Variants in PTPRN2 observed in about 807,000 individuals in gnomAD.
PTPRN2 encodes the protein receptor-type tyrosine-protein phosphatase N2.
PTPRN2 carries 74 observed loss-of-function variants against 118.8 expected under a neutral mutation model. The observed-to-expected ratio is 0.62, with a 90% CI of 0.52 to 0.76. The LOEUF is 0.76. PTPRN2 is among the 30% of genes least tolerant of loss of function. The pLI, the probability that PTPRN2 is intolerant of heterozygous loss-of-function variation, is 0.00. For synonymous variants in PTPRN2, 641 were observed against 608.0 expected (o/e 1.05, Z -0.80); for missense variants, 1,481 against 1,394.4 (o/e 1.06, Z -0.99).
At chr7:157,778,481 T>C (rs566053720) in intron 12 of PTPRN2, among the ~76,000 whole-genome samples, 20 of 150,984 alleles carry the variant, frequency 1.3e-4, no homozygotes, top group African/African-American at 2.4e-4. Flanking sequence ...TGGGTGCCCA[T>C]GTAAACATGT....
intron 3 of PTPRN2, among the ~76,000 whole-genome samples, chr7:158,209,366 C>T (rs1004742117): frequency 3.3e-5 from 5 of 151,998 alleles, no homozygotes; most frequent in African/African-American, 1.2e-4. Flanking sequence ...AAAGATAATC[C>T]GTGCAAATGG....
chr7:158,164,274 C>G (rs1822680969), intron 6 of PTPRN2, among the ~76,000 whole-genome samples: 1 of 150,842 alleles, frequency 6.6e-6, no homozygotes, highest in Non-Finnish European at 1.5e-5. Flanking sequence ...GCACGCAGAG[C>G]AAGAGCGCGT....
At chr7:158,396,115 G>A (rs1463398273) in intron 2 of PTPRN2, among the ~76,000 whole-genome samples, 1 of 152,194 alleles carries the variant, frequency 6.6e-6, no homozygotes, top group Non-Finnish European at 1.5e-5. Context: ...AGGCAGCGAA[G>A]GCCGGGACAC....
At chr7:158,541,941 A>T (rs1264907965) in intron 1 of PTPRN2, among the ~76,000 whole-genome samples, 1 of 152,260 alleles carries the variant, frequency 6.6e-6, no homozygotes, top group Non-Finnish European at 1.5e-5. Context: ...ACTTCAGAAA[A>T]CAGCAAGGCT....
chr7:158,473,389 C>T (rs889954062), intron 2 of PTPRN2, among the ~76,000 whole-genome samples: 7 of 152,212 alleles, frequency 4.6e-5, no homozygotes, highest in South Asian at 2.1e-4. Flanking sequence ...CGAGCTGTTT[C>T]GGGAGGCTAC....
chr7:158,257,432 G>A (rs185795950), intron 3 of PTPRN2, among the ~76,000 whole-genome samples: 220 of 152,278 alleles, frequency 1.4e-3, no homozygotes, highest in African/African-American at 4.6e-3. Flanking sequence ...CTGTACGTGC[G>A]CTAAACGTCT....
chr7:157,702,043 GGTCGGTGCTGGTGTAACT>G (rs1272559255), intron 12 of PTPRN2, among the ~76,000 whole-genome samples: 5 of 150,248 alleles, frequency 3.3e-5, no homozygotes, highest in Non-Finnish European at 7.4e-5. Context: ...AAGAAAGCCC[GGTCGGTGCTGGTGTAACT>G]GACGTGGGCT....
At chr7:157,982,413 C>G (rs1037414336) in intron 11 of PTPRN2, among the ~76,000 whole-genome samples, 1 of 144,782 alleles carries the variant, frequency 6.9e-6, no homozygotes, top group Non-Finnish European at 1.5e-5. Flanking sequence ...CCCCTAAACC[C>G]CAAGTCAAAG....
rs1314972120 is a variant in PTPRN2 at position 157,554,308 on chromosome 7, C to T, written c.2903-5289G>A. Among the ~76,000 whole-genome samples the T allele has an allele frequency of 1.9e-4, 15 of 77,748 alleles. 1 individual carries two copies. Among genetic ancestry groups the T allele is most frequent in the African/African-American group, 5.6e-4 (10 of 17,990 alleles). The allele number at this position is 77,748 out of a possible 152,430, so 51.0% of individuals were successfully genotyped here. ...GCATGGGTGCGGCCAGGCCGGGCGC[C>T]GGATCCTGCCCGCTCTCGTGCCCTC... On this transcript the variant is annotated intron_variant, in intron 21 of 22. Transcript: ENST00000389418.
At chr7:158,560,739 T>C (rs1395240362) in intron 1 of PTPRN2, among the ~76,000 whole-genome samples, 1 of 152,240 alleles carries the variant, frequency 6.6e-6, no homozygotes, top group Non-Finnish European at 1.5e-5. Flanking sequence ...ACCATGTGAA[T>C]GTTACTCCTT....
chr7:157,956,072 T>C (rs1184182274), intron 11 of PTPRN2, among the ~76,000 whole-genome samples: 3 of 152,178 alleles, frequency 2.0e-5, no homozygotes, highest in Non-Finnish European at 4.4e-5. Flanking sequence ...GTGTTTCTCT[T>C]GTGTTTGGAT....
intron 2 of PTPRN2, among the ~76,000 whole-genome samples, chr7:158,366,680 A>G (rs1049923992): frequency 8.6e-5 from 13 of 151,830 alleles, no homozygotes; most frequent in Non-Finnish European, 1.8e-4. Context: ...TTCTTCTGCC[A>G]CATTTGCTGG....
chr7:157,548,028 G>A (rs1157285132), intron 22 of PTPRN2, among the ~76,000 whole-genome samples: 2 of 152,208 alleles, frequency 1.3e-5, no homozygotes, highest in Non-Finnish European at 2.9e-5. Context: ...CTGCGCTGTG[G>A]TTATGTGAGG....
At chr7:157,558,849 G>C (rs747041138) in intron 21 of PTPRN2, among the ~76,000 whole-genome samples, 6 of 152,196 alleles carry the variant, frequency 3.9e-5, no homozygotes, top group Non-Finnish European at 8.8e-5. Context: ...AAAGTGCCTG[G>C]GCTGGGGACA....
At chr7:158,176,637 G>T (rs1053387024) in intron 5 of PTPRN2, among the ~76,000 whole-genome samples, 1 of 152,192 alleles carries the variant, frequency 6.6e-6, no homozygotes, top group Admixed American at 6.5e-5. Context: ...GACTGTCTGG[G>T]AGGAAACCAG....
intron 14 of PTPRN2, among the ~76,000 whole-genome samples, chr7:157,628,097 G>C (rs73515092): frequency 0.019 from 2,836 of 152,284 alleles, 90 homozygotes; most frequent in African/African-American, 0.065. Flanking sequence ...ACAAGACTGG[G>C]TGCTGCTAGA....
In PTPRN2 at chr7:157,929,259, C is replaced by A. The variant is rs1799219691; in HGVS notation, c.1724-30522G>T. On this transcript the variant is annotated intron_variant, in intron 11 of 22. Transcript: ENST00000389418. This position sits in a 1 kb window ranked among gnomAD's most constrained non-coding sequence, Gnocchi z 4.4. ...CCCACAGCCCCTCTTCCCCAGTACG[C>A]CGTGGCAGCCTGCCATCCGCTCTCT... Among the ~76,000 whole-genome samples the A allele has an allele frequency of 6.6e-6, 1 of 152,150 alleles. No homozygotes were observed.
At chr7:158,011,209 T>C (rs902594429) in intron 11 of PTPRN2, among the ~76,000 whole-genome samples, 3 of 152,248 alleles carry the variant, frequency 2.0e-5, no homozygotes, top group African/African-American at 4.8e-5. Context: ...ATGTGCCTGT[T>C]TGATGCTGTG....
intron 10 of PTPRN2, among the ~76,000 whole-genome samples, chr7:158,109,478 A>C (rs1388339128): frequency 6.7e-6 from 1 of 149,354 alleles, no homozygotes; most frequent in South Asian, 2.1e-4. Context: ...AGTGAATGAC[A>C]TCACCCCTGT....
Sources: gnomAD v4.1 joint callset for allele counts (sites outside exome capture counted in the v4.1 genomes callset) on GRCh38, gnomAD v4.1.1 for gene constraint, Gnocchi (gnomAD v3.1) non-coding constraint, MANE v1.5 for transcripts, NCBI Gene and HGNC (gene_info 2026-07-23, HGNC 2026-07-21) for gene names.